The following BCAS3 variants were observed in gnomAD, a reference collection of about 807,000 sequenced individuals.
BCAS3 encodes the protein BCAS3 microtubule associated cell migration factor.
Under a neutral mutation model 116.1 loss-of-function variants are expected in BCAS3, and 53 were observed. The ratio of observed to expected loss-of-function variants is 0.46; its 90% CI spans 0.37 to 0.57. The LOEUF (loss-of-function observed/expected upper bound fraction) is 0.57, where lower values mean the gene tolerates loss of function less well. Among genes scored for constraint, BCAS3 ranks in the 20% least tolerant of loss-of-function variants. The probability of loss-of-function intolerance (pLI) is 0.00; values close to 1 mark genes in which losing one functional copy is unlikely to be tolerated. For missense variants in BCAS3, 917 were observed against 1,165.4 expected (o/e 0.79, Z 3.10); for synonymous variants, 391 against 408.2 (o/e 0.96, Z 0.51).
chr17:60,938,791 G>T (rs948179921), intron 13 of BCAS3, among the ~76,000 whole-genome samples: 1 of 152,046 alleles, frequency 6.6e-6, no homozygotes, highest in African/African-American at 2.4e-5. Context: ...ATGAGGAAAA[G>T]ATTTTAAACA....
chr17:61,040,947 TA>T lies in BCAS3; in HGVS notation c.2029+59del. On this transcript the variant is annotated intron_variant, in intron 19 of 23. Transcript: ENST00000407086. ...CGTATGGTCTATTCAGATTTCATCT[TA>T]AAATGCTAGCTTTGAAAGCAAACAT... 2.1e-6 allele frequency: 3 copies of T among 1,449,366 alleles called. No homozygotes were observed. In the South Asian group the frequency reaches 3.5e-5, roughly 17 times the overall value. The allele number at this position is 1,449,366 out of a possible 1,614,324, so 89.8% of individuals were successfully genotyped here. A position where few individuals can be genotyped will look rare whatever the true frequency, so the allele number is the denominator to read the frequency against.
At chr17:60,928,880 C>A (rs2059495340) in intron 13 of BCAS3, among the ~76,000 whole-genome samples, 1 of 152,158 alleles carries the variant, frequency 6.6e-6, no homozygotes, top group Non-Finnish European at 1.5e-5. Context: ...ACTCTTCTAA[C>A]CCTTCTGATT....
intron 22 of BCAS3, among the ~76,000 whole-genome samples, chr17:61,245,782 A>G (rs1474315830): frequency 6.6e-6 from 1 of 151,996 alleles, no homozygotes; most frequent in Non-Finnish European, 1.5e-5. Flanking sequence ...CTTCTTTTTC[A>G]TGTTAATGAA....
chr17:60,856,672 T>TA (rs905773731), intron 7 of BCAS3, among the ~76,000 whole-genome samples: 1 of 152,008 alleles, frequency 6.6e-6, no homozygotes, highest in African/African-American at 2.4e-5. Flanking sequence ...GCCTGGGCGA[T>TA]ACAGCCAGAC....
chr17:61,298,817 TA>T (rs1348170362), intron 22 of BCAS3, among the ~76,000 whole-genome samples: 21 of 132,224 alleles, frequency 1.6e-4, no homozygotes, highest in Admixed American at 7.5e-4. Context: ...TTTATTTATT[TA>T]TTTATTATTA....
chr17:61,186,268 C>T lies in BCAS3; in HGVS notation c.2425+101704C>T, dbSNP rs1052341118. Reference sequence around the variant, plus strand: ...TATATTCATACACATTCTATAAAACCATTTTTAACCCATATGTTAAGGTTG... The same window carrying T: ...TATATTCATACACATTCTATAAAACTATTTTTAACCCATATGTTAAGGTTG... On this transcript the variant is annotated intron_variant, in intron 22 of 23. Transcript: ENST00000407086. This position sits in a 1 kb window ranked among gnomAD's most constrained non-coding sequence, Gnocchi z 4.9. Among the ~76,000 whole-genome samples, 3 of 151,890 alleles carry T rather than the reference C, an allele frequency of 2.0e-5. No homozygotes were observed. Among genetic ancestry groups the T allele is most frequent in the Non-Finnish European group, 2.9e-5 (2 of 67,974 alleles).
chr17:61,107,464 A>G (rs2074744108), intron 22 of BCAS3, among the ~76,000 whole-genome samples: 1 of 152,096 alleles, frequency 6.6e-6, no homozygotes, highest in African/African-American at 2.4e-5. Context: ...CGTCACCACA[A>G]ATATCTTGCT....
intron 10 of BCAS3, among the ~76,000 whole-genome samples, chr17:60,889,989 C>A (rs771088582): frequency 6.6e-6 from 1 of 152,182 alleles, no homozygotes; most frequent in South Asian, 2.1e-4. Context: ...CTCTGTAGAA[C>A]CTTAATTGTT....
At chr17:60,929,785 G>A (rs112533887) in intron 13 of BCAS3, among the ~76,000 whole-genome samples, 44,137 of 138,870 alleles carry the variant, frequency 0.32, 11,376 homozygotes, top group African/African-American at 0.73. Flanking sequence ...TGTTCTCATT[G>A]TTCAATTCCC....
intron 14 of BCAS3, among the ~76,000 whole-genome samples, chr17:60,949,824 A>G (rs2060735893): frequency 6.6e-6 from 1 of 152,232 alleles, no homozygotes. Flanking sequence ...CTTTGGAGAA[A>G]ATACAGAAAT....
intron 7 of BCAS3, among the ~76,000 whole-genome samples, chr17:60,839,150 T>C (rs1302896793): frequency 2.6e-5 from 4 of 152,222 alleles, no homozygotes; most frequent in Non-Finnish European, 5.9e-5. Context: ...TAATTTGAAT[T>C]TTCATTGTAT....
Position 61,215,380 on chromosome 17 carries a change from C to T in BCAS3, c.2425+130816C>T, listed in dbSNP as rs984406229. On this transcript the variant is annotated intron_variant, in intron 22 of 23. Coordinates refer to ENST00000407086, the MANE Select transcript of BCAS3 (RefSeq NM_017679.5). The surrounding 1 kb of genome is among the most constrained non-coding windows in gnomAD (Gnocchi z 4.8). Reference sequence around the variant, plus strand: ...AGCTCTCTGTCCTTCTGACACTTCACCTCTCTGTTCTTCAGTTTTGTATTT... The same window carrying T: ...AGCTCTCTGTCCTTCTGACACTTCATCTCTCTGTTCTTCAGTTTTGTATTT... 2.0e-5 allele frequency among the ~76,000 whole-genome samples: 3 copies of T among 152,198 alleles called. No homozygotes were observed. Among genetic ancestry groups the T allele is most frequent in the Non-Finnish European group, 4.4e-5 (3 of 68,026 alleles).
At chr17:61,045,771 G>A (rs1476647065) in intron 19 of BCAS3, among the ~76,000 whole-genome samples, 1 of 125,098 alleles carries the variant, frequency 8.0e-6, no homozygotes, top group Admixed American at 1.0e-4. Flanking sequence ...AGCTGAGACT[G>A]CACTACTGCA....
At chr17:61,075,777 A>G (rs890123670) in intron 20 of BCAS3, among the ~76,000 whole-genome samples, 1 of 152,232 alleles carries the variant, frequency 6.6e-6, no homozygotes, top group Non-Finnish European at 1.5e-5. Context: ...TATTGGAAAT[A>G]TAACATTCCA....
chr17:61,375,943 T>C (rs2059317470), intron 23 of BCAS3, among the ~76,000 whole-genome samples: 1 of 152,200 alleles, frequency 6.6e-6, no homozygotes, highest in South Asian at 2.1e-4. Context: ...TTATCAGTAT[T>C]CGCTACAGAA....
chr17:61,056,533 AT>A lies in BCAS3; in HGVS notation c.2029+15647del. On this transcript the variant is annotated intron_variant, in intron 19 of 23. Coordinates refer to ENST00000407086, the MANE Select transcript of BCAS3 (RefSeq NM_017679.5). The surrounding 1 kb of genome is among the most constrained non-coding windows in gnomAD (Gnocchi z 4.9). ...AAAGTATAAAAATTCTTTTATAGATATTTTTTAAAGTTTAAGATGCAGGCTT... is the reference window on the plus strand; with the variant it reads ...AAAGTATAAAAATTCTTTTATAGATATTTTTAAAGTTTAAGATGCAGGCTT... Among the ~76,000 whole-genome samples, 1 of 152,010 alleles carries A rather than the reference AT, an allele frequency of 6.6e-6. No individual in the cohort carries two copies. Among genetic ancestry groups the A allele is most frequent in the Non-Finnish European group, 1.5e-5 (1 of 68,008 alleles).
At chr17:60,767,179 G>A (rs1000018644) in intron 6 of BCAS3, among the ~76,000 whole-genome samples, 5 of 152,020 alleles carry the variant, frequency 3.3e-5, no homozygotes, top group Admixed American at 1.3e-4. Context: ...ACCCTGCTTC[G>A]GCTCGCCCTC....
chr17:60,777,294 A>G (rs549047395), intron 6 of BCAS3, among the ~76,000 whole-genome samples: 4 of 152,056 alleles, frequency 2.6e-5, no homozygotes, highest in Non-Finnish European at 4.4e-5. Context: ...TAAGTTCCTT[A>G]TGTTCTTTAC....
intron 6 of BCAS3, among the ~76,000 whole-genome samples, chr17:60,761,276 A>C (rs2043499806): frequency 6.6e-6 from 1 of 152,180 alleles, no homozygotes; most frequent in East Asian, 1.9e-4. Context: ...GGTTTGTTGC[A>C]TATGTATACA....
Sources: gnomAD v4.1 joint callset for allele counts (sites outside exome capture counted in the v4.1 genomes callset) on GRCh38, gnomAD v4.1.1 for gene constraint, Gnocchi (gnomAD v3.1) non-coding constraint, MANE v1.5 for transcripts, NCBI Gene and HGNC (gene_info 2026-07-23, HGNC 2026-07-21) for gene names.